The following GLIPR1L2 variants were observed in gnomAD, a reference collection of about 807,000 sequenced individuals.
The protein encoded by GLIPR1L2 is GLIPR1 like 2, also known as GLIPR1-like protein 2.
GLIPR1L2 carries 21 observed loss-of-function variants against 28.4 expected under a neutral mutation model. The observed-to-expected ratio is 0.74, with a 90% CI of 0.52 to 1.06. The LOEUF (loss-of-function observed/expected upper bound fraction) is 1.06. Ranked by LOEUF, GLIPR1L2 falls within the 50% of genes least tolerant of loss-of-function variation. The probability of loss-of-function intolerance (pLI) is 0.00; values close to 1 mark genes in which losing one functional copy is unlikely to be tolerated. For missense variants in GLIPR1L2, 476 were observed against 416.9 expected (o/e 1.14, Z -1.23); for synonymous variants, 145 against 139.3 (o/e 1.04, Z -0.29).
intron 4 of GLIPR1L2, among the ~76,000 whole-genome samples, chr12:75,425,651 G>T (rs753238127): frequency 1.3e-5 from 2 of 152,120 alleles, no homozygotes; most frequent in Non-Finnish European, 2.9e-5. Flanking sequence ...AATATTTATT[G>T]CTTTCTGAGA....
At chr12:75,391,889 T>TAG (rs2045611487) in intron 1 of GLIPR1L2, among the ~76,000 whole-genome samples, 63 of 151,486 alleles carry the variant, frequency 4.2e-4, no homozygotes, top group African/African-American at 1.5e-3. Context: ...TTTTTTTTTT[T>TAG]GTGCCCATTC....
At chr12:75,423,507 A>G in intron 4 of GLIPR1L2, 1 of 784,718 alleles carries the variant, frequency 1.3e-6, no homozygotes, top group Non-Finnish European at 1.5e-6. Context: ...TAGCTAAAAT[A>G]TACAATGCTT....
chr12:75,431,162 G>A lies in GLIPR1L2; in HGVS notation c.*1G>A, dbSNP rs1301264516. 1.7e-5 allele frequency: 12 copies of A among 696,352 alleles called. No individual in the cohort carries two copies. In the South Asian group the frequency reaches 2.1e-4, roughly 12 times the overall value. The allele number at this position is 696,352 out of a possible 1,614,324, so 43.1% of individuals were successfully genotyped here. On this transcript the variant is annotated 3_prime_UTR_variant, in exon 6 of 6. Transcript: ENST00000550916. ...AAAGATGGAGGAAGAGGAAAAATAA[G>A]AGTAGAAAGAGGAGGAAAAAGATGT...
At chr12:75,421,391 C>G (rs936572681) in intron 3 of GLIPR1L2, among the ~76,000 whole-genome samples, 55 of 152,154 alleles carry the variant, frequency 3.6e-4, no homozygotes, top group African/African-American at 1.3e-3. Flanking sequence ...GGGTATCACC[C>G]AAACTCTCTG....
intron 1 of GLIPR1L2, among the ~76,000 whole-genome samples, chr12:75,400,639 GT>G (rs1195901237): frequency 3.3e-5 from 5 of 152,164 alleles, no homozygotes; most frequent in South Asian, 4.1e-4. Flanking sequence ...ATGTGATTTT[GT>G]TTTTATAAAG....
At chr12:75,400,594 T>C (rs574012738) in intron 1 of GLIPR1L2, among the ~76,000 whole-genome samples, 15 of 152,308 alleles carry the variant, frequency 9.8e-5, no homozygotes, top group Admixed American at 8.5e-4. Context: ...AATAGGATGG[T>C]GGAGAGCAAG....
chr12:75,426,411 G>A (rs2046034660), intron 4 of GLIPR1L2, among the ~76,000 whole-genome samples: 1 of 152,180 alleles, frequency 6.6e-6, no homozygotes, highest in African/African-American at 2.4e-5. Context: ...CCACAGTAAG[G>A]CAGAGAAGTG....
chr12:75,428,865 T>C (rs1490265280), intron 4 of GLIPR1L2, among the ~76,000 whole-genome samples: 3 of 152,212 alleles, frequency 2.0e-5, no homozygotes, highest in Non-Finnish European at 4.4e-5. Context: ...GCAGCATCCA[T>C]GTGGTGTTAG....
chr12:75,417,728 AG>A lies in GLIPR1L2; in HGVS notation c.584+4028del, dbSNP rs2045936750. 3.3e-5 allele frequency among the ~76,000 whole-genome samples: 5 copies of A among 152,286 alleles called. No individual in the cohort carries two copies. In the South Asian group the frequency reaches 1.0e-3, roughly 32 times the overall value. On this transcript the variant is annotated intron_variant, in intron 3 of 5. Coordinates refer to ENST00000550916, the MANE Select transcript of GLIPR1L2 (RefSeq NM_001270396.2). ...AAAAGAAAATGTTCCTAATCTACAA[AG>A]ATATCTGTATAAAGATTAGAATACT...
intron 3 of GLIPR1L2, among the ~76,000 whole-genome samples, chr12:75,416,790 A>G (rs1380447481): frequency 1.3e-5 from 2 of 152,080 alleles, no homozygotes; most frequent in Non-Finnish European, 2.9e-5. Flanking sequence ...CTTTGTCTTG[A>G]AATTTGTTAA....
At chr12:75,401,562 A>T (rs1015233304) in intron 1 of GLIPR1L2, among the ~76,000 whole-genome samples, 2 of 152,010 alleles carry the variant, frequency 1.3e-5, no homozygotes, top group East Asian at 3.8e-4. Flanking sequence ...AGTAAATTAT[A>T]TATAGCAACG....
At chr12:75,421,804 G>GTATATATAAATTA (rs1208847929) in intron 3 of GLIPR1L2, among the ~76,000 whole-genome samples, 70 of 152,094 alleles carry the variant, frequency 4.6e-4, no homozygotes, top group African/African-American at 1.6e-3. Context: ...ATAAATTTAT[G>GTATATATAAATTA]TGTTTTTATA....
At chr12:75,401,652 G>C (rs1421506770) in intron 1 of GLIPR1L2, among the ~76,000 whole-genome samples, 1 of 151,906 alleles carries the variant, frequency 6.6e-6, no homozygotes, top group Non-Finnish European at 1.5e-5. Flanking sequence ...AACTTAAGTA[G>C]AAATTTTACA....
intron 3 of GLIPR1L2, among the ~76,000 whole-genome samples, chr12:75,417,922 C>G (rs1243342185): frequency 6.6e-6 from 1 of 151,882 alleles, no homozygotes; most frequent in Non-Finnish European, 1.5e-5. Context: ...AGAAAGGACA[C>G]AAGGATGACC....
intron 4 of GLIPR1L2, among the ~76,000 whole-genome samples, chr12:75,430,447 T>C (rs1404617009): frequency 6.6e-6 from 1 of 152,214 alleles, no homozygotes; most frequent in East Asian, 1.9e-4. Context: ...TGGAGAAATG[T>C]ATGTAAGGTC....
chr12:75,397,258 C>G (rs904346590), intron 1 of GLIPR1L2, among the ~76,000 whole-genome samples: 1 of 151,054 alleles, frequency 6.6e-6, no homozygotes, highest in African/African-American at 2.4e-5. Flanking sequence ...AATTTCTAGA[C>G]TTTTTTTTTA....
Position 75,397,952 on chromosome 12 carries a change from A to G in GLIPR1L2, c.234+6602A>G, listed in dbSNP as rs149193692. Among the ~76,000 whole-genome samples the G allele has an allele frequency of 2.0e-5, 3 of 150,038 alleles. No individual in the cohort carries two copies. The East Asian group carries it at 5.9e-4, about 29-fold the overall frequency. On this transcript the variant is annotated intron_variant, in intron 1 of 5. Transcript: ENST00000550916. ...CTCCGATTAGGCACATGAGTTCACC[A>G]CTCGGACTTTTAACTTTTCTCTTCA...
chr12:75,412,487 C>A (rs1594016535), intron 2 of GLIPR1L2, among the ~76,000 whole-genome samples: 1 of 152,138 alleles, frequency 6.6e-6, no homozygotes, highest in East Asian at 1.9e-4. Context: ...TGAACTCAAA[C>A]AAATTTACAA....
chr12:75,418,211 C>A (rs146542225), intron 3 of GLIPR1L2, among the ~76,000 whole-genome samples: 1 of 152,080 alleles, frequency 6.6e-6, no homozygotes, highest in Admixed American at 6.6e-5. Flanking sequence ...ATAAAGTTGG[C>A]GTTTAAAATC....
Sources: allele counts gnomAD v4.1 joint callset (sites outside exome capture counted in the v4.1 genomes callset), GRCh38; gene constraint gnomAD v4.1.1; transcripts MANE v1.5; gene names NCBI Gene and HGNC (gene_info 2026-07-23, HGNC 2026-07-21).